Variants in HPSE2 observed in about 807,000 individuals in gnomAD.
HPSE2 encodes the protein heparanase 2 (inactive), also known as inactive heparanase-2.
In HPSE2, 38 loss-of-function variants were observed where a neutral mutation model predicts 60.5. That is an observed-to-expected ratio of 0.63 (90% CI 0.48 to 0.82). The LOEUF (loss-of-function observed/expected upper bound fraction) is 0.82. HPSE2 is among the 40% of genes least tolerant of loss of function. The probability of loss-of-function intolerance (pLI) is 0.00; values close to 1 mark genes in which losing one functional copy is unlikely to be tolerated. For synonymous variants in HPSE2, 295 were observed against 293.2 expected, an observed-to-expected ratio of 1.01 and a Z score of -0.06; for missense variants, 713 against 740.4, an observed-to-expected ratio of 0.96 and a Z score of 0.43.
chr10:99,116,877 A>C (rs923055014), intron 3 of HPSE2, among the ~76,000 whole-genome samples: 8 of 152,126 alleles, frequency 5.3e-5, no homozygotes, highest in African/African-American at 1.7e-4. Flanking sequence ...TGGCTCAGGA[A>C]CTGAAAGTAC....
At chr10:99,167,678 CTT>C (rs1847136001) in intron 2 of HPSE2, among the ~76,000 whole-genome samples, 1 of 152,048 alleles carries the variant, frequency 6.6e-6, no homozygotes, top group Admixed American at 6.6e-5. Context: ...TCTATATTGT[CTT>C]GTCTTACTTT....
rs1245995465 is a variant in HPSE2, at chr10:98,930,184, G to A, written c.611-186128C>T. 2.1e-5 allele frequency among the ~76,000 whole-genome samples: 3 copies of A among 143,334 alleles called. 1 individual carries two copies. Among genetic ancestry groups the A allele is most frequent in the African/African-American group, 5.7e-5 (2 of 35,032 alleles). 94.0% of individuals were successfully genotyped at this position (143,334 alleles called of 152,430 possible). ...CAGTAAGTGTTGTTCCCCTCCCTGT[G>A]TCCATGTGTTCTCATTGTTCAGTTC... On this transcript the variant is annotated intron_variant, in intron 3 of 11. Transcript: ENST00000370552.
At chr10:98,780,789 G>A (rs972918849) in intron 3 of HPSE2, among the ~76,000 whole-genome samples, 1 of 152,050 alleles carries the variant, frequency 6.6e-6, no homozygotes, top group Non-Finnish European at 1.5e-5. Context: ...AATTTCTCAG[G>A]ACTTGACTCA....
intron 3 of HPSE2, among the ~76,000 whole-genome samples, chr10:99,136,455 C>T (rs1480602612): frequency 3.9e-5 from 6 of 152,160 alleles, no homozygotes; most frequent in African/African-American, 1.4e-4. Flanking sequence ...AATTTCAGGC[C>T]AATATCCCTG....
At chr10:98,639,596 C>T (rs904833208) in intron 7 of HPSE2, among the ~76,000 whole-genome samples, 16 of 152,148 alleles carry the variant, frequency 1.1e-4, no homozygotes, top group African/African-American at 2.7e-4. Flanking sequence ...ACCAATTGCA[C>T]GCAGAGTTTT....
the HPSE2 span, among the ~76,000 whole-genome samples, chr10:99,272,074 C>T: frequency 6.3e-3 from 965 of 152,230 alleles, 6 homozygotes; most frequent in African/African-American, 0.021. Flanking sequence ...AGTTCGAGAC[C>T]GGCCAGGCCA....
the HPSE2 span, among the ~76,000 whole-genome samples, chr10:99,292,703 C>T: frequency 4.6e-5 from 7 of 152,076 alleles, no homozygotes; most frequent in African/African-American, 1.7e-4. Context: ...AATATTATTT[C>T]AACATGTAAT....
At chr10:99,243,903 T>C in the HPSE2 span, among the ~76,000 whole-genome samples, 231 of 152,180 alleles carry the variant, frequency 1.5e-3, no homozygotes, top group African/African-American at 5.3e-3. Context: ...CCCACTGCAC[T>C]CCAGCTTGGG....
chr10:98,674,839 T>A (rs1030501292), intron 6 of HPSE2, among the ~76,000 whole-genome samples: 2 of 152,098 alleles, frequency 1.3e-5, no homozygotes, highest in African/African-American at 4.8e-5. Flanking sequence ...GGAGAACCAC[T>A]TGAACCTGGG....
chr10:98,459,334 C>T lies in HPSE2; in HGVS notation c.*240G>A. Reference sequence around the variant, plus strand: ...GGAAACATTCTGCTCTATACACATGCCTTTATCCTTATATAGGTACAGGTG... The same window carrying T: ...GGAAACATTCTGCTCTATACACATGTCTTTATCCTTATATAGGTACAGGTG... On this transcript the variant is annotated 3_prime_UTR_variant, in exon 12 of 12. Coordinates refer to ENST00000370552, the MANE Select transcript of HPSE2 (RefSeq NM_021828.5). The T allele has an allele frequency of 1.7e-6, 1 of 574,766 alleles. No homozygotes were observed. The highest frequency in any genetic ancestry group is 1.9e-5 in the African/African-American group (1 of 53,682). 35.6% of individuals were successfully genotyped at this position (574,766 alleles called of 1,614,324 possible).
chr10:98,863,118 C>T (rs1952499642), intron 3 of HPSE2, among the ~76,000 whole-genome samples: 1 of 152,028 alleles, frequency 6.6e-6, no homozygotes, highest in Non-Finnish European at 1.5e-5. Flanking sequence ...AGGAATGAAA[C>T]ATGTCAGTAG....
chr10:99,100,431 A>G (rs1589655192), intron 3 of HPSE2, among the ~76,000 whole-genome samples: 1 of 152,220 alleles, frequency 6.6e-6, no homozygotes, highest in East Asian at 1.9e-4. Flanking sequence ...GTGAGAAGAG[A>G]AGTTTAGAGA....
At chr10:98,557,252 C>G (rs757853293) in intron 9 of HPSE2, among the ~76,000 whole-genome samples, 1 of 152,100 alleles carries the variant, frequency 6.6e-6, no homozygotes, top group South Asian at 2.1e-4. Context: ...ATTCAGACAT[C>G]GAGGTTTTGG....
At chr10:99,281,322 T>A in the HPSE2 span, among the ~76,000 whole-genome samples, 1 of 143,504 alleles carries the variant, frequency 7.0e-6, no homozygotes, top group East Asian at 2.0e-4. Context: ...GTACTATTTT[T>A]ATAATTACTA....
At chr10:98,912,982 C>T (rs1362231255) in intron 3 of HPSE2, among the ~76,000 whole-genome samples, 1 of 151,896 alleles carries the variant, frequency 6.6e-6, no homozygotes, top group Admixed American at 6.6e-5. Context: ...GAATGGATAC[C>T]CTATTTTCCA....
chr10:98,459,458 C>T lies in HPSE2; in HGVS notation c.*116G>A, dbSNP rs1940180339. 9.1e-7 allele frequency: 1 copy of T among 1,104,936 alleles called. No individual in the cohort carries two copies. Among genetic ancestry groups the T allele is most frequent in the South Asian group, 1.3e-5 (1 of 79,902 alleles). The allele number at this position is 1,104,936 out of a possible 1,614,324, so 68.4% of individuals were successfully genotyped here. A position where few individuals can be genotyped will look rare whatever the true frequency, so the allele number is the denominator to read the frequency against. On this transcript the variant is annotated 3_prime_UTR_variant, in exon 12 of 12. Transcript: ENST00000370552. ...GAGAGCAAGTCTGTGTTGATTCCAGCAGGATGGGGCAGCAGGGGCTGGTTG... is the reference window on the plus strand; with the variant it reads ...GAGAGCAAGTCTGTGTTGATTCCAGTAGGATGGGGCAGCAGGGGCTGGTTG...
At chr10:99,107,734 T>C (rs1844304000) in intron 3 of HPSE2, among the ~76,000 whole-genome samples, 2 of 152,174 alleles carry the variant, frequency 1.3e-5, no homozygotes, top group African/African-American at 4.8e-5. Context: ...AAAATACCAA[T>C]AGCACATTAT....
At chr10:98,780,095 G>C (rs188540944) in intron 3 of HPSE2, among the ~76,000 whole-genome samples, 4 of 152,196 alleles carry the variant, frequency 2.6e-5, no homozygotes, top group Admixed American at 2.6e-4. Context: ...GAAGAGAGAG[G>C]GGAAGGGGAA....
At chr10:99,033,789 A>G (rs1481144606) in intron 3 of HPSE2, among the ~76,000 whole-genome samples, 2 of 152,106 alleles carry the variant, frequency 1.3e-5, no homozygotes, top group Non-Finnish European at 2.9e-5. Flanking sequence ...TCTCAAAAAA[A>G]AAAAAACACA....
Sources: allele counts gnomAD v4.1 joint callset (sites outside exome capture counted in the v4.1 genomes callset), GRCh38; gene constraint gnomAD v4.1.1; transcripts MANE v1.5; gene names NCBI Gene and HGNC (gene_info 2026-07-23, HGNC 2026-07-21).